The following MNAT1 variants were observed in gnomAD, a reference collection of about 807,000 sequenced individuals.
MNAT1 encodes MNAT1 component of CDK activating kinase, also known as CDK-activating kinase assembly factor MAT1.
A neutral mutation model predicts 42.0 loss-of-function variants in MNAT1; 43 were observed. The ratio of observed to expected loss-of-function variants is 1.02; its 90% CI spans 0.80 to 1.32. MNAT1 has a LOEUF of 1.32. Ranked by LOEUF, MNAT1 falls within the 40% of genes most tolerant of loss-of-function variation. The pLI, the probability that MNAT1 is intolerant of heterozygous loss-of-function variation, is 0.00. For synonymous variants in MNAT1, 118 were observed against 120.0 expected (o/e 0.98, Z 0.11); for missense variants, 306 against 350.4 (o/e 0.87, Z 1.01).
chr14:60,955,478 A>G (rs1002963969), intron 7 of MNAT1, among the ~76,000 whole-genome samples: 1 of 152,118 alleles, frequency 6.6e-6, no homozygotes, highest in African/African-American at 2.4e-5. Context: ...CCTGGCCAAC[A>G]TGGTGAAACC....
At chr14:60,767,288 A>T (rs1404985739) in intron 1 of MNAT1, among the ~76,000 whole-genome samples, 1 of 152,218 alleles carries the variant, frequency 6.6e-6, no homozygotes, top group Non-Finnish European at 1.5e-5. Flanking sequence ...TTCCTGGAAC[A>T]TTCAGGTTAC....
intron 5 of MNAT1, 146 bp downstream of exon 5, chr14:60,812,273 A>G: frequency 4.4e-6 from 3 of 685,268 alleles, no homozygotes; most frequent in Non-Finnish European, 6.7e-6. Flanking sequence ...TATTGATATC[A>G]GTGTATTTAT....
At chr14:60,841,867 T>C (rs2033562976) in intron 6 of MNAT1, among the ~76,000 whole-genome samples, 1 of 152,252 alleles carries the variant, frequency 6.6e-6, no homozygotes, top group Non-Finnish European at 1.5e-5. Context: ...CCCTATCTGA[T>C]GCCATATGTA....
chr14:60,865,825 A>G (rs2034190396), intron 6 of MNAT1, among the ~76,000 whole-genome samples: 2 of 152,054 alleles, frequency 1.3e-5, no homozygotes, highest in African/African-American at 2.4e-5. Context: ...ATGTTTGCCT[A>G]GTGTTTCTTC....
At chr14:60,859,723 AG>A (rs1302435544) in intron 6 of MNAT1, among the ~76,000 whole-genome samples, 1 of 152,192 alleles carries the variant, frequency 6.6e-6, no homozygotes, top group Non-Finnish European at 1.5e-5. Context: ...CATGCAGTTC[AG>A]TCTCTTTCCT....
intron 6 of MNAT1, among the ~76,000 whole-genome samples, chr14:60,852,119 A>G (rs900290170): frequency 1.3e-5 from 2 of 152,184 alleles, no homozygotes; most frequent in Non-Finnish European, 1.5e-5. Flanking sequence ...ACTGTCTTCC[A>G]CAATGGTTAA....
At chr14:60,897,600 A>AT (rs2034984065) in intron 7 of MNAT1, among the ~76,000 whole-genome samples, 1 of 151,924 alleles carries the variant, frequency 6.6e-6, no homozygotes, top group African/African-American at 2.4e-5. Flanking sequence ...GCAGAATGAA[A>AT]TTTTTTTCTT....
intron 6 of MNAT1, among the ~76,000 whole-genome samples, chr14:60,850,177 C>G (rs892383595): frequency 6.6e-6 from 1 of 152,106 alleles, no homozygotes; most frequent in Admixed American, 6.5e-5. Flanking sequence ...TATGATATGG[C>G]TGTGTAAAAT....
At chr14:60,859,012 C>T (rs935511508) in intron 6 of MNAT1, among the ~76,000 whole-genome samples, 6 of 152,078 alleles carry the variant, frequency 3.9e-5, no homozygotes, top group African/African-American at 1.2e-4. Flanking sequence ...ATCTGCCTTT[C>T]GTAAGAATTG....
chr14:60,755,390 C>T (rs1279879774), intron 1 of MNAT1, among the ~76,000 whole-genome samples: 2 of 152,156 alleles, frequency 1.3e-5, no homozygotes, highest in East Asian at 3.9e-4. Flanking sequence ...GATCCACCCG[C>T]CCTGGCCTCC....
intron 7 of MNAT1, among the ~76,000 whole-genome samples, chr14:60,910,327 G>A (rs2139524755): frequency 6.6e-6 from 1 of 152,176 alleles, no homozygotes; most frequent in African/African-American, 2.4e-5. Flanking sequence ...TCCTTCTCCT[G>A]CCTGATTGCC....
intron 6 of MNAT1, among the ~76,000 whole-genome samples, chr14:60,832,867 T>C (rs565784720): frequency 1.1e-4 from 16 of 152,332 alleles, no homozygotes; most frequent in African/African-American, 3.8e-4. Flanking sequence ...CAGTGATTTG[T>C]AGTTCTCCTT....
intron 6 of MNAT1, among the ~76,000 whole-genome samples, chr14:60,832,696 T>C (rs945535706): frequency 6.6e-6 from 1 of 152,064 alleles, no homozygotes; most frequent in Non-Finnish European, 1.5e-5. Flanking sequence ...ATGTAAGTAG[T>C]TTTTTCTAAT....
In MNAT1 at chr14:60,780,827, GT is replaced by G. The variant is rs975807307; in HGVS notation, c.90-15380del. 3.6e-4 allele frequency among the ~76,000 whole-genome samples: 54 copies of G among 148,100 alleles called. No homozygotes were observed. The East Asian group carries it at 6.9e-3, about 19-fold the overall frequency. On this transcript the variant is annotated intron_variant, in intron 1 of 7. Transcript: ENST00000261245. ...TGCATTATTCAAAAGGAACCAGGAGGTTTTTTTTTTGTCAACATTGTGATGT... is the reference window on the plus strand; with the variant it reads ...TGCATTATTCAAAAGGAACCAGGAGGTTTTTTTTTGTCAACATTGTGATGT...
At chr14:60,818,180 ATT>A (rs1184484371) in intron 5 of MNAT1, among the ~76,000 whole-genome samples, 1 of 152,022 alleles carries the variant, frequency 6.6e-6, no homozygotes, top group Non-Finnish European at 1.5e-5. Flanking sequence ...TTTAACTGTC[ATT>A]TTGTTACTTA....
intron 6 of MNAT1, among the ~76,000 whole-genome samples, chr14:60,847,210 C>T (rs1406551713): frequency 6.6e-6 from 1 of 151,968 alleles, no homozygotes; most frequent in Non-Finnish European, 1.5e-5. Flanking sequence ...CGAGACCATC[C>T]TGGCTAACAC....
chr14:60,768,618 T>G (rs996645687), intron 1 of MNAT1, among the ~76,000 whole-genome samples: 8 of 152,246 alleles, frequency 5.3e-5, no homozygotes, highest in African/African-American at 1.9e-4. Context: ...GTTTACTGTG[T>G]CCTAGGCATA....
chr14:60,937,701 T>C (rs547175266), intron 7 of MNAT1, among the ~76,000 whole-genome samples: 1 of 152,312 alleles, frequency 6.6e-6, no homozygotes, highest in East Asian at 1.9e-4. Flanking sequence ...TAGGATTGAC[T>C]TGGCGATGCG....
intron 7 of MNAT1, among the ~76,000 whole-genome samples, chr14:60,905,281 C>G (rs1031585895): frequency 2.0e-5 from 3 of 151,608 alleles, no homozygotes; most frequent in Admixed American, 6.6e-5. Flanking sequence ...TATGAAAGAT[C>G]TAACATTTGA....
Sources: gnomAD v4.1 joint callset for allele counts (sites outside exome capture counted in the v4.1 genomes callset) on GRCh38, gnomAD v4.1.1 for gene constraint, MANE v1.5 for transcripts, NCBI Gene and HGNC (gene_info 2026-07-23, HGNC 2026-07-21) for gene names.